POSTN: variants seen among roughly 807,000 people sequenced by gnomAD.
The protein encoded by POSTN is periostin, also known as osteoblast specific factor 2 (fasciclin I-like).
In POSTN, 71 loss-of-function variants were observed where a neutral mutation model predicts 104.5. The observed-to-expected ratio is 0.68, with a 90% CI of 0.56 to 0.83. The LOEUF is 0.83. Among genes scored for constraint, POSTN ranks in the 40% least tolerant of loss-of-function variants. The pLI is 0.00. For synonymous variants in POSTN, 355 were observed against 340.7 expected (o/e 1.04, Z -0.46); for missense variants, 949 against 1,006.8 (o/e 0.94, Z 0.78).
At chr13:37,564,841 C>A in intron 21 of POSTN, 1 of 273,624 alleles carries the variant, frequency 3.7e-6, no homozygotes, top group East Asian at 7.3e-5. Flanking sequence ...GCCATTTTTG[C>A]AGAGTAAATG....
intron 17 of POSTN, 132 bp downstream of exon 17, chr13:37,574,440 C>A (rs976907066): frequency 3.8e-5 from 46 of 1,224,240 alleles, no homozygotes; most frequent in Non-Finnish European, 4.5e-5. Context: ...CATGAGCATG[C>A]CATTGGTATA....
chr13:37,587,616 T>G (rs1950787362), intron 5 of POSTN, among the ~76,000 whole-genome samples: 1 of 152,220 alleles, frequency 6.6e-6, no homozygotes, highest in African/African-American at 2.4e-5. Context: ...ACTGTTCATG[T>G]AATTTGTCCT....
chr13:37,563,153 C>CAGGAGGCTAACTCCAA lies in POSTN; in HGVS notation c.*179_*180insTTGGAGTTAGCCTCCT. The CAGGAGGCTAACTCCAA allele has an allele frequency of 2.4e-6, 1 of 417,246 alleles. No individual in the cohort carries two copies. The highest frequency in any genetic ancestry group is 3.4e-5 in the East Asian group (1 of 29,256). 25.8% of individuals were successfully genotyped at this position (417,246 alleles called of 1,614,324 possible). A position where few individuals can be genotyped will look rare whatever the true frequency, so the allele number is the denominator to read the frequency against. On this transcript the variant is annotated 3_prime_UTR_variant, in exon 23 of 23. Coordinates refer to ENST00000379747, the MANE Select transcript of POSTN (RefSeq NM_006475.3). ...CCTTTACCACAGGAGGCTAACTCCA[C>CAGGAGGCTAACTCCAA]AATTTCCCTCATGTTTCTCATTCAG...
rs1265280498 is a variant in POSTN, at chr13:37,584,940, A to G, written c.896-12T>C. The G allele has an allele frequency of 6.2e-7, 1 of 1,612,680 alleles. No homozygotes were observed. The highest frequency in any genetic ancestry group is 1.1e-5 in the South Asian group (1 of 90,886). Reference sequence around the variant, plus strand: ...GTACTTCATAAGAGCTGGAGAACACAATAAAAACAGGTAGCTTTCAGATCA... The same window carrying G: ...GTACTTCATAAGAGCTGGAGAACACGATAAAAACAGGTAGCTTTCAGATCA... On this transcript the variant is annotated splice_polypyrimidine_tract_variant and intron_variant, in intron 7 of 22. Coordinates refer to ENST00000379747, the MANE Select transcript of POSTN (RefSeq NM_006475.3).
In POSTN at chr13:37,598,598, A is replaced by C. The variant is rs1184201535; in HGVS notation, c.119+10T>G. 3.1e-6 allele frequency: 5 copies of C among 1,602,570 alleles called. No homozygotes were observed. Among genetic ancestry groups the C allele is most frequent in the Non-Finnish European group, 3.4e-6 (4 of 1,172,832 alleles). On this transcript the variant is annotated intron_variant, in intron 1 of 22. Coordinates refer to ENST00000379747, the MANE Select transcript of POSTN (RefSeq NM_006475.3). ...GAAAAATGGTTTATAAAACCAAACC[A>C]CTCACTTACCCTTGGTCCCGACCCC... is the stretch of plus-strand genomic sequence containing the variant.
intron 1 of POSTN, 65 bp downstream of exon 1, chr13:37,598,543 T>C: frequency 6.7e-7 from 1 of 1,482,122 alleles, no homozygotes; most frequent in Non-Finnish European, 9.3e-7. Context: ...ACTTTATGCA[T>C]ACTTGAACAT....
At chr13:37,586,520 A>C (rs1295019604) in intron 6 of POSTN, among the ~76,000 whole-genome samples, 2 of 152,230 alleles carry the variant, frequency 1.3e-5, no homozygotes, top group Non-Finnish European at 2.9e-5. Flanking sequence ...ATCCAGCAGT[A>C]CATATAATAA....
chr13:37,563,413 G>T, intron 22 of POSTN, 43 bp from the exon 23 acceptor site: 1 of 1,344,660 alleles, frequency 7.4e-7, no homozygotes, highest in South Asian at 1.5e-5. Flanking sequence ...TAAATGTTAG[G>T]AAATTTTAAA....
In POSTN at chr13:37,579,098, A is replaced by C; in HGVS notation, c.1815T>G (p.Asn605Lys). 1 of 1,613,062 alleles carries C rather than the reference A, an allele frequency of 6.2e-7. No homozygotes were observed. Among genetic ancestry groups the C allele is most frequent in the Non-Finnish European group, 8.5e-7 (1 of 1,179,498 alleles). ...TGTCAGATTCTTTTGATTTCAATTC[A>C]TTCACCAGAAGTGTATCATTTACCT... ...LKEVNDTLLV[N>K]ELKSKESDIM... The change falls in exon 14 of 23, where the codon AAT becomes AAG. Residue 605 changes from asparagine (N) to lysine (K), a missense_variant. By Grantham distance (94) the Asn-to-Lys change is moderately conservative. Coordinates refer to ENST00000379747, the MANE Select transcript of POSTN (RefSeq NM_006475.3).
chr13:37,598,228 G>A (rs1313561409), intron 1 of POSTN, among the ~76,000 whole-genome samples: 2 of 151,942 alleles, frequency 1.3e-5, no homozygotes, highest in African/African-American at 4.8e-5. Flanking sequence ...TTTCAATGCT[G>A]TTTGCATACA....
At chr13:37,568,690 T>A (rs914551015) in intron 21 of POSTN, 1 of 151,868 alleles carries the variant, frequency 6.6e-6, no homozygotes, top group African/African-American at 2.4e-5. Flanking sequence ...GAATTCTTTT[T>A]TTTTTGTTCT....
At chr13:37,589,897 C>A (rs947328831) in intron 4 of POSTN, among the ~76,000 whole-genome samples, 1 of 152,092 alleles carries the variant, frequency 6.6e-6, no homozygotes, top group African/African-American at 2.4e-5. Context: ...TTTCACATTT[C>A]ATTTAACTAT....
At chr13:37,586,510 A>G (rs1466904498) in intron 6 of POSTN, among the ~76,000 whole-genome samples, 1 of 152,224 alleles carries the variant, frequency 6.6e-6, no homozygotes, top group Non-Finnish European at 1.5e-5. Flanking sequence ...CTGTAGCAAT[A>G]TCCAGCAGTA....
chr13:37,564,618 G>C (rs1360022699), intron 21 of POSTN, 58 bp from the exon 22 acceptor site: 1 of 986,220 alleles, frequency 1.0e-6, no homozygotes, highest in Non-Finnish European at 1.6e-6. Flanking sequence ...AATCAGACAG[G>C]AGACCATGGT....
In POSTN at chr13:37,586,929, C is replaced by T. The variant is rs1046810121; in HGVS notation, c.607-1G>A. The T allele has an allele frequency of 1.2e-6, 2 of 1,611,994 alleles. No individual in the cohort carries two copies. Among genetic ancestry groups the T allele is most frequent in the South Asian group, 1.1e-5 (1 of 90,776 alleles). ...TTCGAGCACAATTAACAGTGACAAC[C>T]TATAATTATTTGGAAAAATCAAAGT... On this transcript the variant is annotated splice_acceptor_variant, in intron 5 of 22. Coordinates refer to ENST00000379747, the MANE Select transcript of POSTN (RefSeq NM_006475.3). LOFTEE classifies it high-confidence loss of function.
At chr13:37,579,778 G>T in intron 12 of POSTN, 83 bp downstream of exon 12, 1 of 1,457,776 alleles carries the variant, frequency 6.9e-7, no homozygotes, top group Non-Finnish European at 9.3e-7. Flanking sequence ...CATTTTTAAG[G>T]CAGACATCTG....
chr13:37,582,459 T>G lies in POSTN; in HGVS notation c.1299A>C (p.Ile433=), dbSNP rs778473987. 1 of 1,613,614 alleles carries G rather than the reference T, an allele frequency of 6.2e-7. No homozygotes were observed. Among genetic ancestry groups the G allele is most frequent in the Non-Finnish European group, 8.5e-7 (1 of 1,179,648 alleles). The change falls in exon 10 of 23, where the codon ATA becomes ATC. Residue 433 remains isoleucine (I), a synonymous_variant. Coordinates refer to ENST00000379747, the MANE Select transcript of POSTN (RefSeq NM_006475.3). ...RLLKLILQNH[I]LKVKVGLNEL... ...CATTAAGGCCAACTTTTACTTTCAA[T>G]ATGTGATTCTGCAGAATTAATTTAA...
At chr13:37,587,342 C>T (rs976674450) in intron 5 of POSTN, among the ~76,000 whole-genome samples, 2 of 152,220 alleles carry the variant, frequency 1.3e-5, no homozygotes, top group East Asian at 1.9e-4. Flanking sequence ...AGTTACATTA[C>T]AAGAACTTCC....
Position 37,582,384 on chromosome 13 carries a change from T to A in POSTN, c.1374A>T (p.Arg458Ser). 1 of 1,613,178 alleles carries A rather than the reference T, an allele frequency of 6.2e-7. No homozygotes were observed. Among genetic ancestry groups the A allele is most frequent in the Non-Finnish European group, 8.5e-7 (1 of 1,179,720 alleles). ...ILETIGGKQL[R>S]VFVYRTAVCI... ...CACTTACTGTACGATATACGAAGAC[T>A]CTGAGCTGTTTGCCTCCGATGGTTT... Residue 458 changes from arginine to serine, a missense_variant, in exon 10 of 23, where the codon AGA becomes AGT. Transcript: ENST00000379747.
Sources: gnomAD v4.1 joint callset for allele counts (sites outside exome capture counted in the v4.1 genomes callset) on GRCh38, gnomAD v4.1.1 for gene constraint, MANE v1.5 for transcripts, NCBI Gene and HGNC (gene_info 2026-07-23, HGNC 2026-07-21) for gene names.